Variants in TCEA2 observed in about 807,000 individuals in gnomAD.
The protein encoded by TCEA2 is transcription elongation factor A2.
In TCEA2, 21 loss-of-function variants were observed where a neutral mutation model predicts 40.8. That is an observed-to-expected ratio of 0.51 (90% CI 0.36 to 0.74). The LOEUF is 0.74. Among genes scored for constraint, TCEA2 ranks in the 30% least tolerant of loss-of-function variants. The pLI is 0.00. For synonymous variants in TCEA2, 165 were observed against 162.7 expected, an observed-to-expected ratio of 1.01 and a Z score of -0.11; for missense variants, 326 against 426.5, an observed-to-expected ratio of 0.76 and a Z score of 2.08.
At chr20:64,067,759 G>C (rs2059729804) in intron 3 of TCEA2, among the ~76,000 whole-genome samples, 1 of 152,240 alleles carries the variant, frequency 6.6e-6, no homozygotes, top group Non-Finnish European at 1.5e-5. Context: ...GGGCCCCAGA[G>C]AGGCCCCAGA....
chr20:64,071,313 T>C (rs551294966), intron 8 of TCEA2, among the ~76,000 whole-genome samples: 1 of 148,246 alleles, frequency 6.7e-6, no homozygotes, highest in African/African-American at 2.5e-5. Flanking sequence ...GTGCCACTGC[T>C]CTCCAGCCTG....
At chr20:64,067,354 G>A (rs2145486721) in intron 3 of TCEA2, among the ~76,000 whole-genome samples, 1 of 152,360 alleles carries the variant, frequency 6.6e-6, no homozygotes, top group Admixed American at 6.5e-5. Flanking sequence ...GTCACACAGA[G>A]GGGAAGGTCA....
chr20:64,067,994 C>T (rs1303622439), intron 3 of TCEA2, 53 bp from the exon 4 acceptor site: 86 of 1,409,224 alleles, frequency 6.1e-5, no homozygotes, highest in Non-Finnish European at 7.9e-5. Context: ...GTGGTCTGTG[C>T]CCCTCCCTCC....
chr20:64,070,659 C>G, intron 8 of TCEA2, 24 bp downstream of exon 8: 2 of 1,525,860 alleles, frequency 1.3e-6, no homozygotes, highest in South Asian at 2.4e-5. Flanking sequence ...GGGCACCCTC[C>G]CCCGGGCCCG....
upstream of TCEA2, chr20:64,062,947 C>A (rs1024140823): frequency 1.4e-4 from 24 of 166,404 alleles, no homozygotes; most frequent in Non-Finnish European, 2.4e-4. Context: ...CCCGGTCGCT[C>A]CGGGATGTCT....
chr20:64,069,647 C>T lies in TCEA2; in HGVS notation c.461-118C>T, dbSNP rs879368488. On this transcript the variant is annotated intron_variant, in intron 5 of 9. Transcript: ENST00000343484. Reference sequence around the variant, plus strand: ...AGGGGCTAGGGGCCTGTGCCTGGATCGTGGGCCTCTTGCAGGGACCCGGAT... The same window carrying T: ...AGGGGCTAGGGGCCTGTGCCTGGATTGTGGGCCTCTTGCAGGGACCCGGAT... 66 of 1,530,338 alleles carry T rather than the reference C, an allele frequency of 4.3e-5. No homozygotes were observed. In the African/African-American group the frequency reaches 6.4e-4, roughly 15 times the overall value. The allele number at this position is 1,530,338 out of a possible 1,614,324, so 94.8% of individuals were successfully genotyped here. A position where few individuals can be genotyped will look rare whatever the true frequency, so the allele number is the denominator to read the frequency against.
chr20:64,066,617 G>A, intron 2 of TCEA2, 79 bp downstream of exon 2: 1 of 1,526,798 alleles, frequency 6.5e-7, no homozygotes, highest in Non-Finnish European at 9.0e-7. Context: ...GCACCTGGCA[G>A]GGCTTCCCCA....
At chr20:64,072,009 T>TG in intron 9 of TCEA2, 68 bp downstream of exon 9, 2 of 1,606,450 alleles carry the variant, frequency 1.2e-6, no homozygotes, top group South Asian at 2.2e-5. Flanking sequence ...TCAGCCTCTG[T>TG]GGGGTCTGTG....
upstream of TCEA2, chr20:64,063,024 C>A (rs1253786920): frequency 4.5e-6 from 1 of 221,466 alleles, no homozygotes; most frequent in Admixed American, 5.8e-5. Flanking sequence ...GAGTCACTGG[C>A]GACGGTGGGT....
chr20:64,067,156 C>T (rs2059714810), intron 3 of TCEA2, 136 bp downstream of exon 3: 2 of 865,910 alleles, frequency 2.3e-6, no homozygotes, highest in Non-Finnish European at 3.7e-6. Flanking sequence ...AGTGGCAAAC[C>T]CAGACCATGA....
At position 64,063,439 on chromosome 20, in the gene TCEA2, C is replaced by T. The variant is rs1198179566; in HGVS notation, c.72+55C>T. ...GAACCCCGCCCCGCCGAGACCCCGT[C>T]GAGCCCGCCGACCCCCGTTAGGGCC... On this transcript the variant is annotated intron_variant, in intron 1 of 9. Coordinates refer to ENST00000343484, the MANE Select transcript of TCEA2 (RefSeq NM_003195.6). The T allele has an allele frequency of 2.4e-5, 37 of 1,529,442 alleles. No homozygotes were observed. In the East Asian group the frequency reaches 5.7e-4, roughly 23 times the overall value. The allele number at this position is 1,529,442 out of a possible 1,614,324, so 94.7% of individuals were successfully genotyped here.
Position 64,072,281 on chromosome 20 carries a change from C to T in TCEA2, c.*101C>T. 2 of 1,318,192 alleles carry T rather than the reference C, an allele frequency of 1.5e-6. No individual in the cohort carries two copies. The highest frequency in any genetic ancestry group is 2.1e-6 in the Non-Finnish European group (2 of 940,684). The allele number at this position is 1,318,192 out of a possible 1,614,324, so 81.7% of individuals were successfully genotyped here. A position where few individuals can be genotyped will look rare whatever the true frequency, so the allele number is the denominator to read the frequency against. ...CCTAGAAGGCGGCATGTCCTGCCCT[C>T]AACCTGCCTGCCTGGATTGCACCTT... is the stretch of plus-strand genomic sequence containing the variant. On this transcript the variant is annotated 3_prime_UTR_variant, in exon 10 of 10. Transcript: ENST00000343484.
At position 64,070,652 on chromosome 20, in the gene TCEA2, C is replaced by G. The variant is rs544970542; in HGVS notation, c.819+17C>G. 6.5e-7 allele frequency: 1 copy of G among 1,537,406 alleles called. No individual in the cohort carries two copies. Among genetic ancestry groups the G allele is most frequent in the Admixed American group, 2.0e-5 (1 of 50,402 alleles). On this transcript the variant is annotated intron_variant, in intron 8 of 9. Transcript: ENST00000343484. Reference sequence around the variant, plus strand: ...TACACACAGGTGAGCGGCCGCTGGGCACCCTCCCCCGGGCCCGGTGTCTTC... The same window carrying G: ...TACACACAGGTGAGCGGCCGCTGGGGACCCTCCCCCGGGCCCGGTGTCTTC...
chr20:64,067,168 G>T, intron 3 of TCEA2, 148 bp downstream of exon 3: 1 of 777,792 alleles, frequency 1.3e-6, no homozygotes, highest in Non-Finnish European at 2.1e-6. Context: ...AGACCATGAA[G>T]CGCCCAGCTT....
chr20:64,059,311 C>G (rs2059519483), upstream of TCEA2, among the ~76,000 whole-genome samples: 1 of 152,060 alleles, frequency 6.6e-6, no homozygotes, highest in Non-Finnish European at 1.5e-5. Flanking sequence ...TCGCACTGTT[C>G]CCTCCCATCT....
chr20:64,059,762 A>G (rs1239040026), upstream of TCEA2, among the ~76,000 whole-genome samples: 3 of 152,312 alleles, frequency 2.0e-5, no homozygotes, highest in East Asian at 5.8e-4. Context: ...GGCTGAAAAC[A>G]TTCAGATGAA....
intron 6 of TCEA2, 49 bp from the exon 7 acceptor site, chr20:64,070,211 G>A (rs759388759): frequency 6.2e-7 from 1 of 1,603,786 alleles, no homozygotes; most frequent in Non-Finnish European, 8.5e-7. Flanking sequence ...CAGGTGGTAG[G>A]TGGAGGGCAG....
intron 8 of TCEA2, among the ~76,000 whole-genome samples, chr20:64,071,129 A>C (rs6062345): frequency 0.35 from 53,179 of 151,806 alleles, 9,521 homozygotes; most frequent in South Asian, 0.49. Flanking sequence ...GCAGGCGGAT[A>C]ATGAGGTCAG....
At chr20:64,062,078 G>A (rs755836219), upstream of TCEA2, among the ~76,000 whole-genome samples, 1 of 152,330 alleles carries the variant, frequency 6.6e-6, no homozygotes, top group Admixed American at 6.5e-5. Context: ...TTTGGCTGCG[G>A]GGAAGCTCAG....
Sources: gnomAD v4.1 joint callset for allele counts (sites outside exome capture counted in the v4.1 genomes callset) on GRCh38, gnomAD v4.1.1 for gene constraint, MANE v1.5 for transcripts, NCBI Gene and HGNC (gene_info 2026-07-23, HGNC 2026-07-21) for gene names.